TM2D1: variants seen among roughly 807,000 people sequenced by gnomAD.
TM2D1 encodes the protein TM2 domain containing 1, also known as TM2 domain-containing protein 1.
A neutral mutation model predicts 28.4 loss-of-function variants in TM2D1; 15 were observed. That is an observed-to-expected ratio of 0.53 (90% CI 0.35 to 0.81). The LOEUF (loss-of-function observed/expected upper bound fraction) is 0.81, where lower values mean the gene tolerates loss of function less well. Among genes scored for constraint, TM2D1 ranks in the 40% least tolerant of loss-of-function variants. The pLI, the probability that TM2D1 is intolerant of heterozygous loss-of-function variation, is 0.01. For synonymous variants in TM2D1, 93 were observed against 96.2 expected (o/e 0.97, Z 0.20); for missense variants, 236 against 254.9 (o/e 0.93, Z 0.50).
chr1:61,717,677 C>T (rs1023996695), intron 2 of TM2D1, among the ~76,000 whole-genome samples: 1 of 152,076 alleles, frequency 6.6e-6, no homozygotes, highest in Non-Finnish European at 1.5e-5. Flanking sequence ...GCGCTCAAGA[C>T]ATCCTCCAGC....
intron 6 of TM2D1, among the ~76,000 whole-genome samples, chr1:61,682,778 A>G (rs1481236898): frequency 6.6e-6 from 1 of 151,992 alleles, no homozygotes; most frequent in Non-Finnish European, 1.5e-5. Flanking sequence ...CTGTAGTCCC[A>G]GCTACTGGGG....
chr1:61,694,474 A>C (rs1252062322), intron 5 of TM2D1: 1 of 356,798 alleles, frequency 2.8e-6, no homozygotes, highest in Non-Finnish European at 5.1e-6. Context: ...ATATTTTTTA[A>C]TGAACTTCTT....
At chr1:61,702,284 T>G (rs1644407654) in intron 3 of TM2D1, among the ~76,000 whole-genome samples, 1 of 151,814 alleles carries the variant, frequency 6.6e-6, no homozygotes, top group Non-Finnish European at 1.5e-5. Context: ...GAGGAAAGGA[T>G]TTGAAGAAAA....
intron 3 of TM2D1, among the ~76,000 whole-genome samples, chr1:61,703,787 G>A (rs113862206): frequency 1.4e-3 from 147 of 108,848 alleles, no homozygotes; most frequent in African/African-American, 5.2e-3. Context: ...ATGGAGTTTC[G>A]CTCTTGTCAC....
At chr1:61,691,936 T>TATATATATATATAC (rs1644330054) in intron 5 of TM2D1, among the ~76,000 whole-genome samples, 2 of 78,814 alleles carry the variant, frequency 2.5e-5, no homozygotes, top group Non-Finnish European at 4.6e-5. Flanking sequence ...AAAAAAAATA[T>TATATATATATATAC]ATATATATAT....
intron 3 of TM2D1, among the ~76,000 whole-genome samples, chr1:61,701,432 G>C (rs1240367995): frequency 6.6e-6 from 1 of 151,858 alleles, no homozygotes; most frequent in Admixed American, 6.6e-5. Flanking sequence ...GAGACCTGAG[G>C]GAAGTGAGTG....
At chr1:61,701,580 TG>T (rs1644402344) in intron 3 of TM2D1, among the ~76,000 whole-genome samples, 2 of 151,762 alleles carry the variant, frequency 1.3e-5, no homozygotes, top group Admixed American at 6.6e-5. Flanking sequence ...TGTGTGTGTG[TG>T]TGTGTGTGTA....
chr1:61,710,441 AAAAAAT>A (rs1389744388), intron 2 of TM2D1, among the ~76,000 whole-genome samples: 1 of 131,004 alleles, frequency 7.6e-6, no homozygotes, highest in Non-Finnish European at 1.6e-5. Flanking sequence ...AAAAAAAAAA[AAAAAAT>A]GTATATATAT....
chr1:61,698,850 G>C (rs1644382357), intron 4 of TM2D1: 1 of 151,932 alleles, frequency 6.6e-6, no homozygotes, highest in Non-Finnish European at 1.5e-5. Context: ...CTGTTGAGTA[G>C]CTAAGTCTAT....
Position 61,725,027 on chromosome 1 carries a change from G to T in TM2D1, c.94C>A (p.Pro32Thr). Residue 32 changes from proline to threonine, a missense_variant, in exon 1 of 7, where the codon CCC becomes ACC. Pro to Thr is a conservative substitution (Grantham distance 38). Around this residue, in one of 3 missense-constraint regions of TM2D1, gnomAD observed 167 missense variants for 162.7 expected, o/e 1.03. Coordinates refer to ENST00000606498, the MANE Select transcript of TM2D1 (RefSeq NM_032027.3). ...VLWFVSVTTG[P>T]WGAVATSAGG... ...GCGGAGGTGGCAACAGCCCCCCAGGGTCCTGTAGTGACTGAGACGAACCAC... is the reference window on the plus strand; with the variant it reads ...GCGGAGGTGGCAACAGCCCCCCAGGTTCCTGTAGTGACTGAGACGAACCAC... 2.5e-6 allele frequency: 4 copies of T among 1,613,958 alleles called. No individual in the cohort carries two copies. The highest frequency in any genetic ancestry group is 3.4e-6 in the Non-Finnish European group (4 of 1,179,866).
chr1:61,724,285 T>A (rs1304870621), intron 1 of TM2D1: 3 of 152,340 alleles, frequency 2.0e-5, no homozygotes, highest in Non-Finnish European at 4.4e-5. Flanking sequence ...ATACAAAAAT[T>A]ACCCGGGTGT....
intron 2 of TM2D1, among the ~76,000 whole-genome samples, chr1:61,712,248 G>A (rs1180063005): frequency 6.6e-6 from 1 of 152,066 alleles, no homozygotes. Context: ...ATAGCACTGA[G>A]GTTGAGAAAC....
At chr1:61,719,839 G>A (rs1356847358) in intron 2 of TM2D1, among the ~76,000 whole-genome samples, 1 of 152,098 alleles carries the variant, frequency 6.6e-6, no homozygotes, top group Non-Finnish European at 1.5e-5. Flanking sequence ...TAACTTTTCG[G>A]TAGGTTTGAA....
chr1:61,704,388 C>T (rs748222076), intron 3 of TM2D1, among the ~76,000 whole-genome samples: 1 of 152,014 alleles, frequency 6.6e-6, no homozygotes, highest in Non-Finnish European at 1.5e-5. Context: ...GAGTGTTTTA[C>T]ACTATAAGCC....
intron 5 of TM2D1, among the ~76,000 whole-genome samples, chr1:61,691,932 A>AAAAAAAAAATATATATATATATAT: frequency 5.2e-5 from 4 of 76,382 alleles, no homozygotes; most frequent in Non-Finnish European, 1.0e-4. Context: ...AAAAAAAAAA[A>AAAAAAAAAATATATATATATATAT]ATATATATAT....
At chr1:61,714,273 T>C (rs1644501184) in intron 2 of TM2D1, among the ~76,000 whole-genome samples, 1 of 148,246 alleles carries the variant, frequency 6.7e-6, no homozygotes, top group African/African-American at 2.5e-5. Flanking sequence ...ATGGGCGCAG[T>C]GGCTCACACC....
intron 2 of TM2D1, among the ~76,000 whole-genome samples, chr1:61,715,459 C>A (rs1441253541): frequency 2.0e-5 from 3 of 151,526 alleles, no homozygotes; most frequent in Admixed American, 1.3e-4. Context: ...ACCAGCCTGG[C>A]CAACATGGTA....
chr1:61,697,188 T>C (rs1026300378), intron 4 of TM2D1, among the ~76,000 whole-genome samples: 1 of 152,204 alleles, frequency 6.6e-6, no homozygotes. Context: ...AGATGGACCA[T>C]AGTTAACATC....
intron 5 of TM2D1, chr1:61,694,182 G>A (rs1482707472): frequency 6.6e-6 from 1 of 151,582 alleles, no homozygotes. Flanking sequence ...TTCAGTTTCT[G>A]TAATTTGCAA....
Sources: allele counts gnomAD v4.1 joint callset (sites outside exome capture counted in the v4.1 genomes callset), GRCh38; gene constraint gnomAD v4.1.1; regional missense constraint gnomAD v4.1.1; transcripts MANE v1.5; gene names NCBI Gene and HGNC (gene_info 2026-07-23, HGNC 2026-07-21).